Variants in VPS53 observed in about 807,000 individuals in gnomAD.
VPS53 encodes VPS53 subunit of GARP complex.
Under a neutral mutation model 107.0 loss-of-function variants are expected in VPS53, and 70 were observed. The ratio of observed to expected loss-of-function variants is 0.65; its 90% CI spans 0.54 to 0.80. VPS53 has a LOEUF of 0.80. VPS53 is among the 30% of genes least tolerant of loss of function. The pLI, the probability that VPS53 is intolerant of heterozygous loss-of-function variation, is 0.00. For synonymous variants in VPS53, 409 were observed against 393.3 expected, an observed-to-expected ratio of 1.04 and a Z score of -0.47; for missense variants, 917 against 1,049.4, an observed-to-expected ratio of 0.87 and a Z score of 1.74.
chr17:532,602 C>T (rs1909678827), intron 19 of VPS53: 1 of 1,004,380 alleles, frequency 1.0e-6, no homozygotes, highest in African/African-American at 1.7e-5. Context: ...GGAGCAGGGA[C>T]CTTTCCATGG....
chr17:575,224 A>C (rs1008197131), intron 13 of VPS53, among the ~76,000 whole-genome samples: 1 of 152,258 alleles, frequency 6.6e-6, no homozygotes, highest in Non-Finnish European at 1.5e-5. Flanking sequence ...CATGAAAAGC[A>C]TAGAAGCAGT....
At chr17:678,931 GCC>G (rs56086942) in intron 4 of VPS53, among the ~76,000 whole-genome samples, 1 of 151,912 alleles carries the variant, frequency 6.6e-6, no homozygotes, top group Non-Finnish European at 1.5e-5. Flanking sequence ...GAGCCACCGC[GCC>G]CCCGCCATTA....
At chr17:680,507 C>T (rs1427872464) in intron 4 of VPS53, among the ~76,000 whole-genome samples, 5 of 151,844 alleles carry the variant, frequency 3.3e-5, no homozygotes, top group Admixed American at 1.3e-4. Context: ...GAAAAAAAAA[C>T]TTAAACAAAT....
At chr17:679,322 T>C (rs912177821) in intron 4 of VPS53, among the ~76,000 whole-genome samples, 16 of 152,014 alleles carry the variant, frequency 1.1e-4, no homozygotes, top group African/African-American at 3.9e-4. Flanking sequence ...GAGACCATCC[T>C]GGCCAACACG....
intron 7 of VPS53, among the ~76,000 whole-genome samples, chr17:637,384 AT>A (rs1212801119): frequency 6.6e-6 from 1 of 151,874 alleles, no homozygotes; most frequent in Non-Finnish European, 1.5e-5. Context: ...GGATTCATTG[AT>A]TTTTTTGAAG....
Position 545,699 on chromosome 17 carries a change from T to TACAGTTAAACC in VPS53, c.1866+6172_1866+6173insGGTTTAACTGT, listed in dbSNP as rs1332231082. On this transcript the variant is annotated intron_variant, in intron 17 of 21. Coordinates refer to ENST00000437048, the MANE Select transcript of VPS53 (RefSeq NM_001128159.3). ...GGGAATACTACAGTTAAGCAAGTAC[T>TACAGTTAAACC]GTGCCATGCCACGGGTTTCCAAAAT... 5.9e-5 allele frequency among the ~76,000 whole-genome samples: 9 copies of TACAGTTAAACC among 152,356 alleles called. No homozygotes were observed. The East Asian group carries it at 1.7e-3, about 29-fold the overall frequency.
intron 18 of VPS53, chr17:536,689 G>C (rs564559341): frequency 8.9e-6 from 2 of 225,362 alleles, no homozygotes; most frequent in Non-Finnish European, 1.8e-5. Flanking sequence ...TGAGGATGCT[G>C]GTGGGAAGTA....
chr17:533,747 C>T (rs779733572), intron 18 of VPS53, among the ~76,000 whole-genome samples: 3 of 152,122 alleles, frequency 2.0e-5, no homozygotes, highest in African/African-American at 7.2e-5. Flanking sequence ...TTAAGGCAAA[C>T]GAAGATGGGG....
chr17:576,964 C>T (rs1914672878), intron 13 of VPS53, among the ~76,000 whole-genome samples: 1 of 150,196 alleles, frequency 6.7e-6, no homozygotes, highest in African/African-American at 2.5e-5. Flanking sequence ...AGAGAACCTC[C>T]CTCAGAACCT....
chr17:613,000 C>T (rs1322736548), intron 11 of VPS53, among the ~76,000 whole-genome samples: 2 of 149,680 alleles, frequency 1.3e-5, no homozygotes, highest in Non-Finnish European at 3.0e-5. Flanking sequence ...TGAGTTCACA[C>T]AGTGAAAACC....
At chr17:637,873 C>G (rs1970261698) in intron 7 of VPS53, among the ~76,000 whole-genome samples, 1 of 152,186 alleles carries the variant, frequency 6.6e-6, no homozygotes, top group South Asian at 2.1e-4. Flanking sequence ...CGATGTGGTG[C>G]TGAGAAGAAT....
chr17:603,726 C>G (rs1323875755), intron 11 of VPS53, among the ~76,000 whole-genome samples: 3 of 152,120 alleles, frequency 2.0e-5, no homozygotes, highest in African/African-American at 4.8e-5. Context: ...GCTTCTTTAC[C>G]TAACATGAGA....
chr17:596,057 C>A (rs58180134), intron 12 of VPS53, among the ~76,000 whole-genome samples: 98,049 of 150,790 alleles, frequency 0.65, 33,870 homozygotes, highest in East Asian at 0.8. Context: ...CCCTGGAGGA[C>A]GCTGGGAGAT....
intron 11 of VPS53, among the ~76,000 whole-genome samples, chr17:615,435 T>G (rs1267527940): frequency 6.6e-6 from 1 of 152,068 alleles, no homozygotes; most frequent in African/African-American, 2.4e-5. Flanking sequence ...ACTCTCAAGC[T>G]CATCCTCACT....
At chr17:664,546 G>T (rs1055381423) in intron 4 of VPS53, among the ~76,000 whole-genome samples, 1 of 152,162 alleles carries the variant, frequency 6.6e-6, no homozygotes, top group African/African-American at 2.4e-5. Flanking sequence ...CCAGAGCACG[G>T]AGGCCTCAAA....
chr17:582,873 T>G (rs1967115195), intron 13 of VPS53, among the ~76,000 whole-genome samples: 1 of 151,396 alleles, frequency 6.6e-6, no homozygotes, highest in Admixed American at 6.6e-5. Flanking sequence ...CCTAATGCGT[T>G]CCCAGAGAAC....
chr17:579,966 C>T (rs978563364), intron 13 of VPS53, among the ~76,000 whole-genome samples: 11 of 150,412 alleles, frequency 7.3e-5, no homozygotes, highest in African/African-American at 2.5e-4. Context: ...GAACCCCCAA[C>T]AGAATCTCAG....
chr17:701,454 T>C (rs1973195075), intron 2 of VPS53, among the ~76,000 whole-genome samples: 1 of 151,910 alleles, frequency 6.6e-6, no homozygotes, highest in South Asian at 2.1e-4. Flanking sequence ...CTCGGCTCAC[T>C]GCAACCTCCG....
intron 4 of VPS53, among the ~76,000 whole-genome samples, chr17:690,235 C>T (rs546228396): frequency 1.3e-5 from 2 of 152,304 alleles, no homozygotes; most frequent in South Asian, 2.1e-4. Context: ...TGGGATGAAA[C>T]GAAAGCTGAG....
Sources: gnomAD v4.1 joint callset for allele counts (sites outside exome capture counted in the v4.1 genomes callset) on GRCh38, gnomAD v4.1.1 for gene constraint, MANE v1.5 for transcripts, NCBI Gene and HGNC (gene_info 2026-07-23, HGNC 2026-07-21) for gene names.